SPAG17: variants seen among roughly 807,000 people sequenced by gnomAD.
The protein encoded by SPAG17 is sperm-associated antigen 17.
Under a neutral mutation model 273.6 loss-of-function variants are expected in SPAG17, and 169 were observed. The ratio of observed to expected loss-of-function variants is 0.62; its 90% confidence interval spans 0.55 to 0.70. The LOEUF (loss-of-function observed/expected upper bound fraction) is 0.70. SPAG17 is among the 30% of genes least tolerant of loss of function. SPAG17 has a pLI of 0.00. For missense variants in SPAG17, 2,557 were observed against 2,627.8 expected (o/e 0.97, Z 0.59); for synonymous variants, 825 against 873.2 (o/e 0.94, Z 0.97).
chr1:118,022,214 T>C (rs957057372), intron 28 of SPAG17, among the ~76,000 whole-genome samples: 6 of 152,122 alleles, frequency 3.9e-5, no homozygotes, highest in African/African-American at 1.4e-4. Context: ...TTACTTAACT[T>C]CTCTCCCTCA....
rs144129155 is a variant in SPAG17, at chr1:118,063,277, G to A, written c.2540+3468C>T. The stretch of plus-strand genomic sequence containing the variant: ...ACCAAAAAAGAGCCCGCATCACCAA[G>A]TCAATCTTCAGCCAAAAGAACATAG... On this transcript the variant is annotated intron_variant, in intron 18 of 48. Coordinates refer to ENST00000336338, the MANE Select transcript of SPAG17 (RefSeq NM_206996.4). 4.6e-3 allele frequency among the ~76,000 whole-genome samples: 707 copies of A among 152,264 alleles called. 5 individuals are homozygous for A. Among genetic ancestry groups the A allele is most frequent in the African/African-American group, 0.016 (674 of 41,530 alleles).
intron 1 of SPAG17, among the ~76,000 whole-genome samples, chr1:118,180,309 G>A (rs557324189): frequency 1.2e-3 from 182 of 152,102 alleles, no homozygotes; most frequent in Non-Finnish European, 2.3e-3. Context: ...CAACAAGGAT[G>A]GAACTGGCGT....
chr1:117,953,661 G>A lies in SPAG17; in HGVS notation c.*389C>T. On this transcript the variant is annotated 3_prime_UTR_variant, in exon 49 of 49. Coordinates refer to ENST00000336338, the MANE Select transcript of SPAG17 (RefSeq NM_206996.4). ...TGGCAAAAAGTTGATGAGATTTAAAGATGGGGATTATAACCTGTTTCCTTC... is the reference window on the plus strand; with the variant it reads ...TGGCAAAAAGTTGATGAGATTTAAAAATGGGGATTATAACCTGTTTCCTTC... 1.1e-6 allele frequency: 1 copy of A among 906,192 alleles called. No homozygotes were observed. Among genetic ancestry groups the A allele is most frequent in the Non-Finnish European group, 1.7e-6 (1 of 595,510 alleles). The allele number at this position is 906,192 out of a possible 1,614,324, so 56.1% of individuals were successfully genotyped here. A position where few individuals can be genotyped will look rare whatever the true frequency, so the allele number is the denominator to read the frequency against.
intron 3 of SPAG17, among the ~76,000 whole-genome samples, chr1:118,135,521 T>C (rs562092017): frequency 6.6e-6 from 1 of 152,164 alleles, no homozygotes; most frequent in African/African-American, 2.4e-5. Context: ...CTAACCCCAC[T>C]CTCAAAATCA....
intron 34 of SPAG17, among the ~76,000 whole-genome samples, chr1:117,995,765 C>T (rs1361058816): frequency 6.6e-6 from 1 of 151,306 alleles, no homozygotes; most frequent in Non-Finnish European, 1.5e-5. Flanking sequence ...AGGTTTTGTA[C>T]ACAGATAATA....
At chr1:118,162,847 T>C (rs899627494) in intron 1 of SPAG17, among the ~76,000 whole-genome samples, 4 of 152,192 alleles carry the variant, frequency 2.6e-5, no homozygotes, top group Non-Finnish European at 5.9e-5. Context: ...TCTTGTCTTA[T>C]TTATGTTTAC....
chr1:118,180,433 G>T (rs139213749), intron 1 of SPAG17, among the ~76,000 whole-genome samples: 1 of 152,022 alleles, frequency 6.6e-6, no homozygotes, highest in Admixed American at 6.5e-5. Flanking sequence ...GTTATCAGAG[G>T]CTGGGAAAAG....
chr1:118,070,828 G>T (rs1204111779), intron 17 of SPAG17, among the ~76,000 whole-genome samples: 1 of 152,086 alleles, frequency 6.6e-6, no homozygotes, highest in East Asian at 1.9e-4. Context: ...ATAGTGTATA[G>T]CACAGTTATT....
At chr1:118,150,385 GA>G in intron 3 of SPAG17, 157 bp downstream of exon 3, 2 of 417,902 alleles carry the variant, frequency 4.8e-6, no homozygotes, top group Non-Finnish European at 8.6e-6. Context: ...AAAGGAGGCA[GA>G]TTTTTTTTGT....
intron 3 of SPAG17, among the ~76,000 whole-genome samples, chr1:118,139,939 G>T (rs1570763072): frequency 6.6e-6 from 1 of 152,076 alleles, no homozygotes; most frequent in Non-Finnish European, 1.5e-5. Flanking sequence ...GGATTACTGG[G>T]TTAATAGATT....
At chr1:118,159,908 C>T (rs1301315362) in intron 1 of SPAG17, among the ~76,000 whole-genome samples, 2 of 152,152 alleles carry the variant, frequency 1.3e-5, no homozygotes, top group Non-Finnish European at 2.9e-5. Flanking sequence ...GAAATTACGG[C>T]TCCATTATGT....
At chr1:118,105,218 G>A (rs1656321821) in intron 4 of SPAG17, among the ~76,000 whole-genome samples, 1 of 152,120 alleles carries the variant, frequency 6.6e-6, no homozygotes, top group South Asian at 2.1e-4. Flanking sequence ...CTGAGAAAAG[G>A]CAGGAAAGAG....
At chr1:117,978,002 A>T (rs558902172) in intron 43 of SPAG17, among the ~76,000 whole-genome samples, 1 of 152,166 alleles carries the variant, frequency 6.6e-6, no homozygotes, top group Non-Finnish European at 1.5e-5. Flanking sequence ...TCATGGCCAC[A>T]TTTTTTACCT....
At chr1:118,070,321 A>G (rs1653452601) in intron 17 of SPAG17, among the ~76,000 whole-genome samples, 1 of 152,242 alleles carries the variant, frequency 6.6e-6, no homozygotes, top group Non-Finnish European at 1.5e-5. Context: ...AGGATATGGA[A>G]ATACTAGTCA....
At chr1:118,018,401 T>C (rs1660173267) in intron 28 of SPAG17, among the ~76,000 whole-genome samples, 1 of 152,180 alleles carries the variant, frequency 6.6e-6, no homozygotes, top group African/African-American at 2.4e-5. Context: ...GATCCTTATA[T>C]AGGTTTGAAG....
chr1:118,072,436 C>T (rs1407140523), intron 17 of SPAG17, among the ~76,000 whole-genome samples: 4 of 152,060 alleles, frequency 2.6e-5, no homozygotes, highest in African/African-American at 9.7e-5. Context: ...TAAAGGGAGG[C>T]CCAGGACCAC....
intron 34 of SPAG17, among the ~76,000 whole-genome samples, chr1:117,995,069 G>A (rs1416987115): frequency 2.0e-5 from 3 of 152,006 alleles, no homozygotes; most frequent in African/African-American, 7.2e-5. Context: ...CTTCCCCTCT[G>A]TGCTTCAGCT....
intron 10 of SPAG17, among the ~76,000 whole-genome samples, chr1:118,089,511 C>A (rs955981172): frequency 1.3e-5 from 2 of 151,922 alleles, no homozygotes; most frequent in African/African-American, 4.8e-5. Flanking sequence ...TAAAATCATA[C>A]CTAGACATAG....
At chr1:118,066,199 A>G (rs921888342) in intron 18 of SPAG17, among the ~76,000 whole-genome samples, 7 of 151,024 alleles carry the variant, frequency 4.6e-5, no homozygotes, top group Admixed American at 4.0e-4. Context: ...CAGTATTGAA[A>G]TAACAGTGAA....
Sources: gnomAD v4.1 joint callset for allele counts (sites outside exome capture counted in the v4.1 genomes callset) on GRCh38, gnomAD v4.1.1 for gene constraint, MANE v1.5 for transcripts, NCBI Gene and HGNC (gene_info 2026-07-23, HGNC 2026-07-21) for gene names.